EPHA5: variants seen among roughly 807,000 people sequenced by gnomAD.
EPHA5 encodes ephrin type-A receptor 5.
Under a neutral mutation model 105.0 loss-of-function variants are expected in EPHA5, and 60 were observed. The ratio of observed to expected loss-of-function variants is 0.57; its 90% confidence interval spans 0.46 to 0.71. The LOEUF (loss-of-function observed/expected upper bound fraction) is 0.71, where lower values mean the gene tolerates loss of function less well. EPHA5 is among the 30% of genes least tolerant of loss of function. The pLI is 0.00. For synonymous variants in EPHA5, 513 were observed against 449.1 expected (o/e 1.14, Z -1.80); for missense variants, 1,218 against 1,274.7 (o/e 0.96, Z 0.68).
intron 16 of EPHA5, among the ~76,000 whole-genome samples, chr4:65,327,202 T>C (rs973880352): frequency 2.0e-5 from 3 of 150,946 alleles, no homozygotes; most frequent in Non-Finnish European, 4.4e-5. Flanking sequence ...GTGGGTATTG[T>C]TTGAGTTTAT....
rs1276990363 is a variant in EPHA5 at position 65,670,348 on chromosome 4, C to CGGCT, written c.-610_-607dup. 1.7e-5 allele frequency: 4 copies of CGGCT among 233,588 alleles called. No individual in the cohort carries two copies. The highest frequency in any genetic ancestry group is 3.4e-5 in the Non-Finnish European group (4 of 118,422). 14.5% of individuals were successfully genotyped at this position (233,588 alleles called of 1,614,324 possible). A position where few individuals can be genotyped will look rare whatever the true frequency, so the allele number is the denominator to read the frequency against. ...GAGTGCTGAAGAGGGGAGGGACTGA[C>CGGCT]GGCTGCCGGCCGGTAGGAGCGCGGA... On this transcript the variant is annotated 5_prime_UTR_variant, in exon 1 of 17. Transcript: ENST00000613740.
chr4:65,426,072 T>C (rs1295843564), intron 5 of EPHA5, among the ~76,000 whole-genome samples: 4 of 152,114 alleles, frequency 2.6e-5, no homozygotes, highest in African/African-American at 9.7e-5. Context: ...TCAGGGAGTT[T>C]TTCTAAGAAC....
intron 8 of EPHA5, among the ~76,000 whole-genome samples, chr4:65,376,668 C>T (rs115818312): frequency 0.011 from 1,715 of 151,984 alleles, 40 homozygotes; most frequent in African/African-American, 0.039. Flanking sequence ...TCTACTTCCA[C>T]GTGTGACATG....
At chr4:65,647,312 G>GAGCA (rs1434000862) in intron 1 of EPHA5, among the ~76,000 whole-genome samples, 2 of 111,900 alleles carry the variant, frequency 1.8e-5, no homozygotes, top group African/African-American at 7.2e-5. Context: ...CTGGGCGACA[G>GAGCA]AGCAAGACTC....
chr4:65,578,562 G>A (rs1046188379), intron 3 of EPHA5, among the ~76,000 whole-genome samples: 5 of 152,226 alleles, frequency 3.3e-5, no homozygotes, highest in Non-Finnish European at 5.9e-5. Context: ...TAATCAGTTC[G>A]TTGTAAACTT....
chr4:65,393,561 C>A (rs1305629861), intron 8 of EPHA5, among the ~76,000 whole-genome samples: 1 of 152,118 alleles, frequency 6.6e-6, no homozygotes, highest in East Asian at 1.9e-4. Flanking sequence ...TCACAGTGTC[C>A]CAAGGTTTTA....
At position 65,504,361 on chromosome 4, in the gene EPHA5, G is replaced by GA. The variant is rs201086800; in HGVS notation, c.911-8819dup. Among the ~76,000 whole-genome samples, 498 of 116,212 alleles carry GA rather than the reference G, an allele frequency of 4.3e-3. 13 individuals carry two copies. In the Admixed American group the frequency reaches 0.045, roughly 11 times the overall value. The allele number at this position is 116,212 out of a possible 152,430, so 76.2% of individuals were successfully genotyped here. A position where few individuals can be genotyped will look rare whatever the true frequency, so the allele number is the denominator to read the frequency against. On this transcript the variant is annotated intron_variant, in intron 3 of 16. Coordinates refer to ENST00000613740, the MANE Select transcript of EPHA5 (RefSeq NM_001281766.3). ...AAGTTAGAAAATTTTAAAATATATT[G>GA]AAAAATATATATATATATATAGATA... is the stretch of plus-strand genomic sequence containing the variant.
At chr4:65,615,693 A>G (rs1322856512) in intron 2 of EPHA5, among the ~76,000 whole-genome samples, 1 of 151,970 alleles carries the variant, frequency 6.6e-6, no homozygotes, top group Admixed American at 6.6e-5. Context: ...GCTAAATGTC[A>G]TTAGCCATCA....
intron 3 of EPHA5, among the ~76,000 whole-genome samples, chr4:65,520,851 C>T (rs1410676510): frequency 6.6e-6 from 1 of 152,060 alleles, no homozygotes; most frequent in Non-Finnish European, 1.5e-5. Context: ...GTTAGAATTG[C>T]AATCATTAAA....
At chr4:65,449,086 GA>G (rs1221855407) in intron 5 of EPHA5, among the ~76,000 whole-genome samples, 1 of 151,762 alleles carries the variant, frequency 6.6e-6, no homozygotes, top group African/African-American at 2.4e-5. Context: ...TACATATTAA[GA>G]AAAAAATTCA....
intron 1 of EPHA5, among the ~76,000 whole-genome samples, chr4:65,657,957 T>C (rs887899584): frequency 6.6e-6 from 1 of 151,852 alleles, no homozygotes; most frequent in African/African-American, 2.4e-5. Flanking sequence ...ACTAACTTGC[T>C]TTCTTTAGAA....
intron 5 of EPHA5, among the ~76,000 whole-genome samples, chr4:65,423,412 A>T (rs1018058430): frequency 3.9e-5 from 6 of 151,990 alleles, no homozygotes; most frequent in African/African-American, 1.4e-4. Flanking sequence ...AAGGAGTGGG[A>T]ATTTATAATT....
At chr4:65,636,268 A>C (rs2149500061) in intron 2 of EPHA5, among the ~76,000 whole-genome samples, 1 of 152,268 alleles carries the variant, frequency 6.6e-6, no homozygotes, top group African/African-American at 2.4e-5. Flanking sequence ...AGTGGATAGA[A>C]TGCAACCCAC....
At chr4:65,556,459 A>T (rs574839665) in intron 3 of EPHA5, among the ~76,000 whole-genome samples, 1 of 152,160 alleles carries the variant, frequency 6.6e-6, no homozygotes, top group Admixed American at 6.5e-5. Context: ...AGTGTGGGTA[A>T]AAAAGATATA....
At chr4:65,378,110 C>T (rs1246882524) in intron 8 of EPHA5, among the ~76,000 whole-genome samples, 1 of 151,668 alleles carries the variant, frequency 6.6e-6, no homozygotes, top group African/African-American at 2.4e-5. Context: ...AATAAAATTC[C>T]AATGGATCTT....
intron 8 of EPHA5, among the ~76,000 whole-genome samples, chr4:65,388,992 G>A (rs1720424621): frequency 6.6e-6 from 1 of 151,974 alleles, no homozygotes; most frequent in Non-Finnish European, 1.5e-5. Flanking sequence ...CACTTATCAT[G>A]TAAATATTGA....
At chr4:65,511,837 C>T (rs1452714488) in intron 3 of EPHA5, among the ~76,000 whole-genome samples, 1 of 152,052 alleles carries the variant, frequency 6.6e-6, no homozygotes, top group South Asian at 2.1e-4. Context: ...TAATTTATTT[C>T]CAAATCCTAG....
intron 7 of EPHA5, among the ~76,000 whole-genome samples, chr4:65,413,437 A>G (rs1171845173): frequency 6.6e-6 from 1 of 152,150 alleles, no homozygotes; most frequent in Non-Finnish European, 1.5e-5. Flanking sequence ...TTCACATTTT[A>G]ATTTAATAAC....
chr4:65,491,703 G>T (rs1731416841), intron 4 of EPHA5, among the ~76,000 whole-genome samples: 1 of 151,790 alleles, frequency 6.6e-6, no homozygotes, highest in Non-Finnish European at 1.5e-5. Context: ...CAATAAGATG[G>T]AATATTTCCA....
Sources: allele counts gnomAD v4.1 joint callset (sites outside exome capture counted in the v4.1 genomes callset), GRCh38; gene constraint gnomAD v4.1.1; transcripts MANE v1.5; gene names NCBI Gene and HGNC (gene_info 2026-07-23, HGNC 2026-07-21).